The following CWH43 variants were observed in gnomAD, a reference collection of about 807,000 sequenced individuals.
CWH43 encodes the protein PGAP2-interacting protein.
A neutral mutation model predicts 85.7 loss-of-function variants in CWH43; 91 were observed. The observed-to-expected ratio is 1.06, with a 90% CI of 0.90 to 1.26. The LOEUF (loss-of-function observed/expected upper bound fraction) is 1.26, where lower values mean the gene tolerates loss of function less well. Among genes scored for constraint, CWH43 ranks in the 50% most tolerant of loss-of-function variants. The pLI is 0.00. For synonymous variants in CWH43, 323 were observed against 293.6 expected (o/e 1.10, Z -1.02); for missense variants, 869 against 839.2 (o/e 1.04, Z -0.44).
chr4:49,033,033 T>G (rs1784150493), intron 12 of CWH43, among the ~76,000 whole-genome samples: 1 of 152,150 alleles, frequency 6.6e-6, no homozygotes, highest in African/African-American at 2.4e-5. Context: ...AGCCCCGTTT[T>G]GCAGGTAAAG....
rs374168772 is a variant in CWH43, at chr4:49,003,901, T to C, written c.969T>C (p.Tyr323=). Residue 323 remains tyrosine (Y), a synonymous_variant, in exon 7 of 16, where the codon TAT becomes TAC. Coordinates refer to ENST00000226432, the MANE Select transcript of CWH43 (RefSeq NM_025087.3). Reference sequence around the variant, plus strand: ...CCATGACCATTGCCATGATATTTTATCTTCTAGAAATATTTTTCTGTGCCT... The same window carrying C: ...CCATGACCATTGCCATGATATTTTACCTTCTAGAAATATTTTTCTGTGCCT... ...GKTMTIAMIF[Y]LLEIFFCAWC... The C allele has an allele frequency of 3.1e-5, 50 of 1,613,840 alleles. No homozygotes were observed. Among genetic ancestry groups the C allele is most frequent in the Non-Finnish European group, 4.1e-5 (48 of 1,179,904 alleles).
At chr4:49,001,064 G>T (rs1164540346) in intron 6 of CWH43, among the ~76,000 whole-genome samples, 1 of 152,118 alleles carries the variant, frequency 6.6e-6, no homozygotes, top group Non-Finnish European at 1.5e-5. Context: ...TTTTCCCATT[G>T]CACAGTTTAT....
intron 8 of CWH43, among the ~76,000 whole-genome samples, chr4:49,016,430 C>A (rs1296568916): frequency 6.6e-6 from 1 of 152,042 alleles, no homozygotes; most frequent in East Asian, 1.9e-4. Flanking sequence ...TTATCTCCTG[C>A]CTTCACTGGG....
intron 9 of CWH43, among the ~76,000 whole-genome samples, chr4:49,017,729 T>C (rs1783602994): frequency 1.3e-5 from 2 of 152,174 alleles, no homozygotes; most frequent in African/African-American, 4.8e-5. Flanking sequence ...TCTGTTCTAC[T>C]TCTGGGGAGG....
chr4:49,014,318 TG>T (rs1783461875), intron 8 of CWH43, among the ~76,000 whole-genome samples: 1 of 151,914 alleles, frequency 6.6e-6, no homozygotes, highest in Non-Finnish European at 1.5e-5. Flanking sequence ...CCATTTGTGG[TG>T]GTGCACCTGC....
At chr4:49,029,385 A>G (rs1784019726) in intron 10 of CWH43, among the ~76,000 whole-genome samples, 1 of 152,214 alleles carries the variant, frequency 6.6e-6, no homozygotes, top group Non-Finnish European at 1.5e-5. Context: ...CCAGGGGCAC[A>G]ATGCACTGCG....
At chr4:49,018,228 T>A (rs1783623491) in intron 9 of CWH43, among the ~76,000 whole-genome samples, 1 of 152,124 alleles carries the variant, frequency 6.6e-6, no homozygotes, top group Non-Finnish European at 1.5e-5. Flanking sequence ...TATTTATTTA[T>A]TTATTTATTA....
intron 7 of CWH43, 82 bp from the exon 8 acceptor site, chr4:49,007,119 A>C: frequency 4.1e-6 from 6 of 1,466,462 alleles, no homozygotes; most frequent in Non-Finnish European, 5.5e-6. Context: ...GTTCCTTTCA[A>C]GGAACTCTCA....
In CWH43 at chr4:48,986,490, G is replaced by T. The variant is rs1252745953; in HGVS notation, c.43+18G>T. The T allele has an allele frequency of 1.3e-5, 20 of 1,552,098 alleles. No individual in the cohort carries two copies. The highest frequency in any genetic ancestry group is 1.7e-5 in the Non-Finnish European group (20 of 1,147,506). ...GCTGCTGGGTAAGCCGAAGCCCCTCGCCGCGAGTTCGCGGGTGCCAGCTCC... is the reference window on the plus strand; with the variant it reads ...GCTGCTGGGTAAGCCGAAGCCCCTCTCCGCGAGTTCGCGGGTGCCAGCTCC... On this transcript the variant is annotated intron_variant, in intron 1 of 15. Transcript: ENST00000226432.
chr4:49,046,195 A>G (rs1242377567), intron 14 of CWH43, among the ~76,000 whole-genome samples: 4 of 152,216 alleles, frequency 2.6e-5, no homozygotes, highest in Non-Finnish European at 5.9e-5. Context: ...GTGATCCAAA[A>G]TAATACAGCT....
chr4:49,054,571 AC>A (rs1190465303), intron 15 of CWH43, among the ~76,000 whole-genome samples: 2 of 152,138 alleles, frequency 1.3e-5, no homozygotes, highest in Non-Finnish European at 2.9e-5. Flanking sequence ...GATAAGGATT[AC>A]ATTGAATCTG....
At chr4:49,040,373 G>A (rs1204312724) in intron 13 of CWH43, among the ~76,000 whole-genome samples, 1 of 152,162 alleles carries the variant, frequency 6.6e-6, no homozygotes, top group Non-Finnish European at 1.5e-5. Context: ...CAGTGTAAAA[G>A]TGTTCCTATT....
At chr4:49,020,029 G>A (rs532380473) in intron 9 of CWH43, among the ~76,000 whole-genome samples, 54 of 152,062 alleles carry the variant, frequency 3.6e-4, no homozygotes, top group African/African-American at 1.3e-3. Context: ...TTTTCAATAG[G>A]TTTTTGGGGA....
intron 13 of CWH43, 77 bp from the exon 14 acceptor site, chr4:49,044,709 C>T: frequency 1.9e-6 from 2 of 1,062,540 alleles, no homozygotes; most frequent in South Asian, 2.7e-5. Flanking sequence ...TATCATGTAG[C>T]TCACACATTT....
chr4:49,016,744 T>C (rs2109783054), intron 8 of CWH43: 2 of 777,624 alleles, frequency 2.6e-6, no homozygotes, highest in Non-Finnish European at 4.8e-6. Context: ...TTCTCAGTGA[T>C]GCCAGCTTCC....
chr4:49,020,722 A>C (rs1167527383), intron 9 of CWH43, among the ~76,000 whole-genome samples: 1 of 152,002 alleles, frequency 6.6e-6, no homozygotes, highest in African/African-American at 2.4e-5. Flanking sequence ...AACATTTATT[A>C]GTTTTTGATT....
intron 2 of CWH43, 116 bp from the exon 3 acceptor site, chr4:48,991,338 T>C: frequency 9.7e-7 from 1 of 1,030,698 alleles, no homozygotes; most frequent in Non-Finnish European, 1.4e-6. Flanking sequence ...AAATTATACA[T>C]CAACTCTGTC....
At chr4:48,996,723 T>C (rs534616192) in intron 5 of CWH43, among the ~76,000 whole-genome samples, 2 of 152,322 alleles carry the variant, frequency 1.3e-5, no homozygotes, top group East Asian at 3.9e-4. Context: ...CATTCAACTC[T>C]GGGCCAATCA....
chr4:48,989,202 C>T (rs560799360), intron 2 of CWH43, among the ~76,000 whole-genome samples: 1 of 152,206 alleles, frequency 6.6e-6, no homozygotes, highest in Non-Finnish European at 1.5e-5. Context: ...GATCAGTTCA[C>T]TGGAAAGGAA....
Sources: allele counts gnomAD v4.1 joint callset (sites outside exome capture counted in the v4.1 genomes callset), GRCh38; gene constraint gnomAD v4.1.1; transcripts MANE v1.5; gene names NCBI Gene and HGNC (gene_info 2026-07-23, HGNC 2026-07-21).